WDPCP: variants seen among roughly 807,000 people sequenced by gnomAD.
WDPCP encodes WD repeat containing planar cell polarity effector.
Under a neutral mutation model 93.1 loss-of-function variants are expected in WDPCP, and 71 were observed. The ratio of observed to expected loss-of-function variants is 0.76; its 90% CI spans 0.63 to 0.93. The LOEUF (loss-of-function observed/expected upper bound fraction) is 0.93. Ranked by LOEUF, WDPCP falls within the 40% of genes least tolerant of loss-of-function variation. The probability of loss-of-function intolerance (pLI) is 0.00; values close to 1 mark genes in which losing one functional copy is unlikely to be tolerated. For missense variants in WDPCP, 844 were observed against 887.4 expected (o/e 0.95, Z 0.62); for synonymous variants, 315 against 315.0 (o/e 1.00, Z 0.00).
At chr2:63,791,292 A>G (rs979836001) in intron 2 of WDPCP, among the ~76,000 whole-genome samples, 1 of 152,182 alleles carries the variant, frequency 6.6e-6, no homozygotes, top group South Asian at 2.1e-4. Context: ...GGATGACCAC[A>G]TATTAGTCCC....
chr2:63,502,331 T>A (rs1290659099), intron 1 of WDPCP, among the ~76,000 whole-genome samples: 1 of 152,194 alleles, frequency 6.6e-6, no homozygotes, highest in Admixed American at 6.5e-5. Flanking sequence ...GTTTCTAATT[T>A]TTACCTTACA....
intron 14 of WDPCP, among the ~76,000 whole-genome samples, chr2:63,225,771 G>A (rs1678243100): frequency 6.6e-6 from 1 of 151,856 alleles, no homozygotes. Context: ...AGTCATCTGT[G>A]TGTATTACTA....
At chr2:63,261,856 A>G (rs896496718) in intron 13 of WDPCP, among the ~76,000 whole-genome samples, 6 of 152,192 alleles carry the variant, frequency 3.9e-5, no homozygotes, top group South Asian at 2.1e-4. Context: ...TTTAAAATAT[A>G]CTTTTGGTAA....
At chr2:63,363,588 T>C (rs1420380319) in intron 12 of WDPCP, among the ~76,000 whole-genome samples, 2 of 152,028 alleles carry the variant, frequency 1.3e-5, no homozygotes, top group Non-Finnish European at 2.9e-5. Flanking sequence ...ACAGAGACCC[T>C]GTCTCAAAAA....
intron 2 of WDPCP, among the ~76,000 whole-genome samples, chr2:63,703,821 T>G (rs888120148): frequency 1.3e-5 from 2 of 152,204 alleles, no homozygotes; most frequent in African/African-American, 4.8e-5. Flanking sequence ...AAGTAGTTTT[T>G]TCCCATTCTG....
At chr2:63,396,666 T>TC (rs1693752038) in intron 10 of WDPCP, among the ~76,000 whole-genome samples, 2 of 151,744 alleles carry the variant, frequency 1.3e-5, no homozygotes, top group Admixed American at 1.3e-4. Flanking sequence ...CTCTTTTTTT[T>TC]TAACTTTTAT....
chr2:63,174,337 A>T (rs868249076), intron 15 of WDPCP, among the ~76,000 whole-genome samples: 38 of 152,252 alleles, frequency 2.5e-4, no homozygotes, highest in African/African-American at 8.2e-4. Context: ...TATATAAATT[A>T]TAATTCAAAC....
At chr2:63,179,936 A>G (rs1282891851) in intron 14 of WDPCP, among the ~76,000 whole-genome samples, 1 of 152,112 alleles carries the variant, frequency 6.6e-6, no homozygotes, top group African/African-American at 2.4e-5. Flanking sequence ...GTTTTGGAGA[A>G]TGTTCCATGT....
the WDPCP span, among the ~76,000 whole-genome samples, chr2:63,839,958 A>G: frequency 6.6e-6 from 1 of 152,236 alleles, no homozygotes; most frequent in Admixed American, 6.5e-5. Flanking sequence ...GTTTGTTCTA[A>G]TAACATTTCC....
chr2:63,761,975 T>TA (rs750603667), intron 2 of WDPCP, among the ~76,000 whole-genome samples: 1 of 151,792 alleles, frequency 6.6e-6, no homozygotes, highest in Non-Finnish European at 1.5e-5. Flanking sequence ...TACTTACATT[T>TA]AAAAAAAACA....
Position 63,603,090 on chromosome 2 carries a change from G to A in WDPCP, n.488+47569C>T, listed in dbSNP as rs369232124. Among the ~76,000 whole-genome samples the A allele has an allele frequency of 3.9e-5, 6 of 152,002 alleles. 1 individual carries two copies. In the South Asian group the frequency reaches 1.2e-3, roughly 32 times the overall value. On this transcript the variant is annotated intron_variant and non_coding_transcript_variant, in intron 3 of 4. Transcript: ENST00000467687. ...TTCTCCTGCCTCAGCCTCCTGAGTA[G>A]CTGGGATTACAGGCACACGCTGCCA...
chr2:63,242,074 A>G (rs1454186205), intron 14 of WDPCP, among the ~76,000 whole-genome samples: 2 of 152,208 alleles, frequency 1.3e-5, no homozygotes, highest in East Asian at 3.9e-4. Flanking sequence ...ATACACTAAA[A>G]TAACTCTTTT....
At chr2:63,193,756 A>G (rs1464889696) in intron 14 of WDPCP, among the ~76,000 whole-genome samples, 1 of 152,246 alleles carries the variant, frequency 6.6e-6, no homozygotes, top group African/African-American at 2.4e-5. Flanking sequence ...AAAAGTAAAC[A>G]TTAAAAATTT....
chr2:63,627,499 A>G (rs114852153), intron 3 of WDPCP, among the ~76,000 whole-genome samples: 170 of 152,304 alleles, frequency 1.1e-3, no homozygotes, highest in African/African-American at 3.9e-3. Flanking sequence ...TTCCCGTTTT[A>G]CCACTCCAAC....
At chr2:63,147,967 CAAAA>C (rs11331152) in intron 17 of WDPCP, among the ~76,000 whole-genome samples, 1 of 87,500 alleles carries the variant, frequency 1.1e-5, no homozygotes, top group African/African-American at 4.5e-5. Context: ...GACTCTGTCT[CAAAA>C]AAAAAAAAAA....
intron 10 of WDPCP, among the ~76,000 whole-genome samples, chr2:63,388,173 T>G (rs1055726288): frequency 6.6e-6 from 1 of 151,994 alleles, no homozygotes; most frequent in African/African-American, 2.4e-5. Context: ...ACAGCTCCAG[T>G]CTGCATCTCC....
At chr2:63,705,228 G>A (rs1225016737) in intron 2 of WDPCP, among the ~76,000 whole-genome samples, 2 of 151,994 alleles carry the variant, frequency 1.3e-5, no homozygotes, top group African/African-American at 4.8e-5. Flanking sequence ...TATCAATTTT[G>A]TTAATCTTTT....
intron 13 of WDPCP, among the ~76,000 whole-genome samples, chr2:63,261,502 C>T (rs1311159318): frequency 6.6e-6 from 1 of 152,090 alleles, no homozygotes; most frequent in Non-Finnish European, 1.5e-5. Flanking sequence ...TGTGGAAAGA[C>T]ATTTTCAAAG....
At chr2:63,218,141 T>C (rs1373919512) in intron 14 of WDPCP, among the ~76,000 whole-genome samples, 1 of 152,182 alleles carries the variant, frequency 6.6e-6, no homozygotes, top group African/African-American at 2.4e-5. Flanking sequence ...AGCTATACAT[T>C]TGAATTACTA....
Sources: gnomAD v4.1 joint callset for allele counts (sites outside exome capture counted in the v4.1 genomes callset) on GRCh38, gnomAD v4.1.1 for gene constraint, MANE v1.5 for transcripts, NCBI Gene and HGNC (gene_info 2026-07-23, HGNC 2026-07-21) for gene names.